The following FBXW7 variants were observed in gnomAD, a reference collection of about 807,000 sequenced individuals.
FBXW7 encodes the protein F-box and WD repeat domain containing 7, also known as F-box/WD repeat-containing protein 7.
Under a neutral mutation model 86.3 loss-of-function variants are expected in FBXW7, and 11 were observed. The observed-to-expected ratio is 0.13, with a 90% CI of 0.08 to 0.21. The LOEUF (loss-of-function observed/expected upper bound fraction) is 0.21, where lower values mean the gene tolerates loss of function less well. FBXW7 is among the 10% of genes least tolerant of loss of function. FBXW7 has a pLI of 1.00. For missense variants in FBXW7, 488 were observed against 847.4 expected (o/e 0.58, Z 5.27); for synonymous variants, 313 against 297.9 (o/e 1.05, Z -0.52).
intron 4 of FBXW7, among the ~76,000 whole-genome samples, chr4:152,401,222 T>C (rs1022818603): frequency 3.3e-5 from 5 of 152,224 alleles, no homozygotes; most frequent in South Asian, 2.1e-4. Flanking sequence ...ACTTAGTCCA[T>C]GCAAAATCCT....
At chr4:152,382,249 A>C (rs1175590753) in intron 4 of FBXW7, 1 of 1,603,734 alleles carries the variant, frequency 6.2e-7, no homozygotes. Context: ...TCTTCATCAC[A>C]GTTTGATGTG....
chr4:152,518,369 C>T (rs995556843), intron 2 of FBXW7, among the ~76,000 whole-genome samples: 1 of 152,086 alleles, frequency 6.6e-6, no homozygotes, highest in African/African-American at 2.4e-5. Context: ...GATCTTGGCT[C>T]ACTACAGTCT....
chr4:152,426,920 CTA>C (rs969387064), intron 2 of FBXW7, among the ~76,000 whole-genome samples: 12 of 152,194 alleles, frequency 7.9e-5, no homozygotes, highest in Non-Finnish European at 1.8e-4. Flanking sequence ...TCTCAGAAAA[CTA>C]TTTTAACACT....
At chr4:152,390,722 C>A (rs1735928411) in intron 4 of FBXW7, among the ~76,000 whole-genome samples, 2 of 151,904 alleles carry the variant, frequency 1.3e-5, no homozygotes, top group Non-Finnish European at 2.9e-5. Context: ...ACATTACTTA[C>A]CAATAATATC....
At chr4:152,526,854 A>AT (rs1749557662) in intron 2 of FBXW7, among the ~76,000 whole-genome samples, 1 of 152,342 alleles carries the variant, frequency 6.6e-6, no homozygotes, top group Non-Finnish European at 1.5e-5. Flanking sequence ...TTTCTTTTCT[A>AT]TTAAAAAAAA....
At chr4:152,400,488 C>T (rs574344859) in intron 4 of FBXW7, among the ~76,000 whole-genome samples, 11 of 151,732 alleles carry the variant, frequency 7.2e-5, no homozygotes, top group African/African-American at 9.7e-5. Flanking sequence ...ATCACAGGAA[C>T]GCACCACCAT....
intron 4 of FBXW7, among the ~76,000 whole-genome samples, chr4:152,351,813 C>G (rs926570095): frequency 6.6e-6 from 1 of 152,018 alleles, no homozygotes; most frequent in Non-Finnish European, 1.5e-5. Flanking sequence ...CCATTTGCCA[C>G]TAAAAGCAAA....
At chr4:152,471,494 AGGGAAG>A in intron 2 of FBXW7, among the ~76,000 whole-genome samples, 1 of 86,068 alleles carries the variant, frequency 1.2e-5, no homozygotes. Context: ...GGAAAGGGGG[AGGGAAG>A]GGGAAGGGAA....
At chr4:152,532,220 T>C (rs1321106739) in intron 2 of FBXW7, among the ~76,000 whole-genome samples, 1 of 152,242 alleles carries the variant, frequency 6.6e-6, no homozygotes, top group African/African-American at 2.4e-5. Flanking sequence ...CAAAGTCTAC[T>C]GTCCCATTTC....
At chr4:152,475,978 C>T (rs143263284) in intron 2 of FBXW7, among the ~76,000 whole-genome samples, 1 of 152,242 alleles carries the variant, frequency 6.6e-6, no homozygotes, top group East Asian at 1.9e-4. Context: ...TAGCTATCAA[C>T]AAGCTGATTC....
chr4:152,408,797 C>T (rs1405890147), intron 4 of FBXW7, among the ~76,000 whole-genome samples: 2 of 152,172 alleles, frequency 1.3e-5, no homozygotes, highest in Admixed American at 1.3e-4. Flanking sequence ...GGATTAAAAT[C>T]TCTCATCACG....
intron 11 of FBXW7, among the ~76,000 whole-genome samples, chr4:152,326,666 TTTTC>T (rs1729051988): frequency 6.6e-6 from 1 of 152,132 alleles, no homozygotes; most frequent in Non-Finnish European, 1.5e-5. Flanking sequence ...AGAATTTAAA[TTTTC>T]TTTATGTTCT....
intron 2 of FBXW7, among the ~76,000 whole-genome samples, chr4:152,437,912 C>T (rs537234614): frequency 4.7e-4 from 71 of 152,256 alleles, no homozygotes; most frequent in African/African-American, 1.6e-3. Context: ...CGATGGCTCA[C>T]GCTTGTAATC....
At chr4:152,396,638 C>A (rs1268654720) in intron 4 of FBXW7, among the ~76,000 whole-genome samples, 1 of 151,928 alleles carries the variant, frequency 6.6e-6, no homozygotes, top group South Asian at 2.1e-4. Context: ...TTTGATTTAC[C>A]TTCTTGACCA....
At chr4:152,407,497 T>C (rs551579091) in intron 4 of FBXW7, among the ~76,000 whole-genome samples, 3 of 152,326 alleles carry the variant, frequency 2.0e-5, no homozygotes, top group Admixed American at 2.0e-4. Context: ...TCTAGAACTC[T>C]ACAACAGAGT....
chr4:152,352,376 G>A (rs1731897028), intron 4 of FBXW7: 1 of 1,499,332 alleles, frequency 6.7e-7, no homozygotes, highest in South Asian at 1.3e-5. Flanking sequence ...CAAAATTAGA[G>A]GATACTGCAG....
chr4:152,362,003 AAAAAG>A (rs936622035), intron 4 of FBXW7, among the ~76,000 whole-genome samples: 5 of 151,634 alleles, frequency 3.3e-5, no homozygotes, highest in African/African-American at 1.2e-4. Context: ...ACAGAACAGA[AAAAAG>A]AAAAGAAAAA....
intron 2 of FBXW7, among the ~76,000 whole-genome samples, chr4:152,520,279 AAAAATT>A (rs1399060373): frequency 6.6e-6 from 1 of 150,440 alleles, no homozygotes; most frequent in Non-Finnish European, 1.5e-5. Flanking sequence ...TAAAAATACA[AAAAATT>A]AGCCGGGCGC....
intron 2 of FBXW7, among the ~76,000 whole-genome samples, chr4:152,495,394 TCA>T (rs1746235962): frequency 6.6e-6 from 1 of 151,772 alleles, no homozygotes. Flanking sequence ...TGAGCTGAGA[TCA>T]CCCCACTCCA....
Sources: allele counts gnomAD v4.1 joint callset (sites outside exome capture counted in the v4.1 genomes callset), GRCh38; gene constraint gnomAD v4.1.1; transcripts MANE v1.5; gene names NCBI Gene and HGNC (gene_info 2026-07-23, HGNC 2026-07-21).